Variants in PKHD1 observed in about 807,000 individuals in gnomAD.
PKHD1 encodes fibrocystin.
In PKHD1, 291 loss-of-function variants were observed where a neutral mutation model predicts 412.0. The observed-to-expected ratio is 0.71, with a 90% CI of 0.64 to 0.78. The LOEUF is 0.78. PKHD1 is among the 30% of genes least tolerant of loss of function. The pLI is 0.00. For synonymous variants in PKHD1, 1,777 were observed against 1,821.5 expected (o/e 0.98, Z 0.62); for missense variants, 4,825 against 4,950.7 (o/e 0.97, Z 0.76).
intron 48 of PKHD1, among the ~76,000 whole-genome samples, chr6:51,856,610 A>T (rs953773287): frequency 5.9e-5 from 9 of 152,344 alleles, no homozygotes; most frequent in Admixed American, 4.6e-4. Flanking sequence ...TGACATGCCT[A>T]GGTGCTGAGA....
intron 53 of PKHD1, among the ~76,000 whole-genome samples, chr6:51,777,821 A>C (rs1175745665): frequency 1.3e-5 from 2 of 152,050 alleles, no homozygotes; most frequent in Non-Finnish European, 2.9e-5. Context: ...CTCTAAAATT[A>C]GAGATTAAAT....
rs2151549212 is a variant in PKHD1 at position 51,836,403 on chromosome 6, C to T, written c.8173+1G>A. 1.2e-6 allele frequency: 2 copies of T among 1,603,558 alleles called. No homozygotes were observed. Among genetic ancestry groups the T allele is most frequent in the South Asian group, 1.1e-5 (1 of 90,856 alleles). On this transcript the variant is annotated splice_donor_variant, in intron 51 of 66. Transcript: ENST00000371117. LOFTEE classifies it high-confidence loss of function. ...CTTCTACTTCGTGTGTTAATACTCA[C>T]CTGAAATAGTTGGGGGCATACCTTC...
intron 36 of PKHD1, among the ~76,000 whole-genome samples, chr6:51,940,312 G>A (rs1788283847): frequency 6.6e-6 from 1 of 151,704 alleles, no homozygotes; most frequent in Non-Finnish European, 1.5e-5. Flanking sequence ...AGGCAGCCAA[G>A]TAGCAATGTA....
chr6:51,845,485 T>C (rs1325274570), intron 50 of PKHD1, among the ~76,000 whole-genome samples: 2 of 152,226 alleles, frequency 1.3e-5, no homozygotes, highest in East Asian at 3.8e-4. Context: ...TCCAAGTTTG[T>C]TAAACATTCA....
intron 20 of PKHD1, 63 bp downstream of exon 20, chr6:52,053,975 C>T: frequency 1.3e-6 from 2 of 1,576,872 alleles, no homozygotes; most frequent in East Asian, 2.2e-5. Context: ...GGTAACTGTC[C>T]CCAAAACAGT....
chr6:52,087,152 C>G lies in PKHD1; in HGVS notation c.-85+282G>C, dbSNP rs12662207. On this transcript the variant is annotated intron_variant, in intron 1 of 66. Coordinates refer to ENST00000371117, the MANE Select transcript of PKHD1 (RefSeq NM_138694.4). ...TTCTTCCTAAAAATAAACTCAGACT[C>G]TCTTTATTTCTCATAACTAAAATTT... Among the ~76,000 whole-genome samples the G allele has an allele frequency of 1.6e-4, 25 of 152,276 alleles. No individual in the cohort carries two copies. The East Asian group carries it at 4.6e-3, about 28-fold the overall frequency.
At chr6:51,634,094 A>C (rs1364688407) in intron 64 of PKHD1, among the ~76,000 whole-genome samples, 1 of 152,178 alleles carries the variant, frequency 6.6e-6, no homozygotes, top group African/African-American at 2.4e-5. Context: ...GAACAGTTAC[A>C]GCCAGCATTT....
intron 66 of PKHD1, among the ~76,000 whole-genome samples, chr6:51,623,164 A>G (rs181453774): frequency 6.6e-6 from 1 of 152,302 alleles, no homozygotes; most frequent in East Asian, 1.9e-4. Flanking sequence ...GCTATTCAAC[A>G]TTGCAAAGAA....
At chr6:51,978,621 A>AAAAGAGATGAGGCCGT (rs1234352508) in intron 35 of PKHD1, among the ~76,000 whole-genome samples, 3 of 152,206 alleles carry the variant, frequency 2.0e-5, no homozygotes, top group African/African-American at 4.8e-5. Context: ...AGAAATGCAG[A>AAAAGAGATGAGGCCGT]AAAGAGATGA....
At chr6:51,930,726 T>C (rs1430088169) in intron 37 of PKHD1, among the ~76,000 whole-genome samples, 2 of 152,210 alleles carry the variant, frequency 1.3e-5, no homozygotes, top group African/African-American at 4.8e-5. Flanking sequence ...AAGGGCCTCA[T>C]TCGCTGGGCA....
At position 51,746,788 on chromosome 6, in the gene PKHD1, C is replaced by T. The variant is rs895942963; in HGVS notation, c.9931G>A (p.Ala3311Thr). Residue 3311 changes from alanine to threonine, a missense_variant, in exon 59 of 67, where the codon GCA (alanine) becomes ACA (threonine). Physicochemically the swap from Ala to Thr is moderately conservative, Grantham distance 58 (BLOSUM62 0). Coordinates refer to ENST00000371117, the MANE Select transcript of PKHD1 (RefSeq NM_138694.4). ...ENSGIMHPIT[A>T]ERTRMLKIKD... is the part of the protein sequence containing the mutation. ...ATCTTTAGCATCCTGGTCCTCTCTG[C>T]TGTTATTGGGTGCATAATTCCACTG... is the stretch of plus-strand genomic sequence containing the variant. The T allele has an allele frequency of 6.2e-7, 1 of 1,611,462 alleles. No individual in the cohort carries two copies. The highest frequency in any genetic ancestry group is 1.3e-5 in the African/African-American group (1 of 74,988).
At chr6:51,899,764 AG>A in intron 43 of PKHD1, among the ~76,000 whole-genome samples, 1 of 152,366 alleles carries the variant, frequency 6.6e-6, no homozygotes, top group East Asian at 1.9e-4. Flanking sequence ...ATATCTGGAA[AG>A]CCCCATTGTC....
chr6:51,937,999 C>G (rs572113506), intron 36 of PKHD1, among the ~76,000 whole-genome samples: 1 of 152,274 alleles, frequency 6.6e-6, no homozygotes, highest in South Asian at 2.1e-4. Context: ...TAGGTGTAAG[C>G]CAAGCTAACT....
rs1264189519 is a variant in PKHD1, at chr6:52,070,990, T to C, written c.667+16A>G. The C allele has an allele frequency of 6.6e-7, 1 of 1,521,556 alleles. No individual in the cohort carries two copies. The highest frequency in any genetic ancestry group is 2.3e-5 in the East Asian group (1 of 44,390). 94.3% of individuals were successfully genotyped at this position (1,521,556 alleles called of 1,614,324 possible). A position where few individuals can be genotyped will look rare whatever the true frequency, so the allele number is the denominator to read the frequency against. ...AATGGATAAGACTTTAAAATTATGT[T>C]ACTTCTCTAACAGACCGATGTAGTC... is the stretch of plus-strand genomic sequence containing the variant. On this transcript the variant is annotated intron_variant, in intron 9 of 66. Transcript: ENST00000371117.
intron 55 of PKHD1, among the ~76,000 whole-genome samples, chr6:51,766,208 C>T (rs1788972630): frequency 6.6e-6 from 1 of 152,108 alleles, no homozygotes. Context: ...ATAATACCTA[C>T]TCTACAAAGA....
intron 50 of PKHD1, among the ~76,000 whole-genome samples, chr6:51,839,133 T>G (rs1769739238): frequency 6.6e-6 from 1 of 152,224 alleles, no homozygotes; most frequent in South Asian, 2.1e-4. Context: ...GTTAAGTGTG[T>G]TGACTCTACA....
intron 36 of PKHD1, among the ~76,000 whole-genome samples, chr6:51,943,330 T>C (rs978679489): frequency 6.6e-6 from 1 of 150,818 alleles, no homozygotes; most frequent in Admixed American, 6.6e-5. Context: ...TATAAGACGC[T>C]CCTTTTTATT....
intron 55 of PKHD1, among the ~76,000 whole-genome samples, chr6:51,769,966 T>G (rs1044757168): frequency 2.0e-5 from 3 of 151,620 alleles, no homozygotes; most frequent in African/African-American, 7.2e-5. Flanking sequence ...TATATTTTAT[T>G]TTAATCTCCA....
chr6:52,019,763 G>C (rs1161543467), intron 33 of PKHD1, among the ~76,000 whole-genome samples: 3 of 152,204 alleles, frequency 2.0e-5, no homozygotes, highest in African/African-American at 7.2e-5. Context: ...AAAGATCAAA[G>C]ATTTTGCTCA....
Sources: gnomAD v4.1 joint callset for allele counts (sites outside exome capture counted in the v4.1 genomes callset) on GRCh38, gnomAD v4.1.1 for gene constraint, MANE v1.5 for transcripts, NCBI Gene and HGNC (gene_info 2026-07-23, HGNC 2026-07-21) for gene names.